Variants in RPL18A observed in about 807,000 individuals in gnomAD.
The protein encoded by RPL18A is ribosomal protein L18a.
For synonymous variants in RPL18A, 122 were observed against 96.9 expected, an observed-to-expected ratio of 1.26 and a Z score of -1.52; for missense variants, 163 against 254.1, an observed-to-expected ratio of 0.64 and a Z score of 2.44.
intron 1 of RPL18A, chr19:17,860,711 G>C (rs1394297287): frequency 6.5e-6 from 1 of 153,958 alleles, no homozygotes; most frequent in African/African-American, 2.4e-5. Flanking sequence ...CTTGACCAAA[G>C]ATTCTCACCT....
chr19:17,863,075 C>A, intron 4 of RPL18A, 48 bp downstream of exon 4: 1 of 1,559,022 alleles, frequency 6.4e-7, no homozygotes, highest in South Asian at 1.1e-5. Context: ...TGCTCTGACG[C>A]AGGAGCCCAG....
rs754983872 is a variant in RPL18A at position 17,859,910 on chromosome 19, A to G, written c.-47A>G. On this transcript the variant is annotated 5_prime_UTR_variant, in exon 1 of 5. Coordinates refer to ENST00000222247, the MANE Select transcript of RPL18A (RefSeq NM_000980.4). Reference sequence around the variant, plus strand: ...AAGGCCTGGTGAACGGCTGCGCGACAGAGGACACTTCCTTTTGCGGGTGGC... The same window carrying G: ...AAGGCCTGGTGAACGGCTGCGCGACGGAGGACACTTCCTTTTGCGGGTGGC... 9.1e-6 allele frequency: 14 copies of G among 1,541,084 alleles called. No individual in the cohort carries two copies. Among genetic ancestry groups the G allele is most frequent in the Non-Finnish European group, 1.2e-5 (14 of 1,143,506 alleles).
chr19:17,861,167 G>A, intron 1 of RPL18A, 126 bp from the exon 2 acceptor site: 1 of 739,474 alleles, frequency 1.4e-6, no homozygotes, highest in African/African-American at 1.7e-5. Flanking sequence ...TCCACATGGA[G>A]GCCCTAGGGT....
At chr19:17,860,874 G>T in intron 1 of RPL18A, 1 of 197,970 alleles carries the variant, frequency 5.1e-6, no homozygotes, top group South Asian at 7.4e-5. Context: ...GGAATGGGCT[G>T]TGAGATCCCA....
rs944802401 is a variant in RPL18A at position 17,861,980 on chromosome 19, A to G, written c.199-114A>G. ...GAAACTGAGGCACAAGAGTCTGGCC[A>G]TAGAGTAGGCCTGGAGCCTGGGGTG... On this transcript the variant is annotated intron_variant, in intron 2 of 4. Coordinates refer to ENST00000222247, the MANE Select transcript of RPL18A (RefSeq NM_000980.4). 6 of 1,256,018 alleles carry G rather than the reference A, an allele frequency of 4.8e-6. No individual in the cohort carries two copies. In the Admixed American group the frequency reaches 7.5e-5, roughly 16 times the overall value. The allele number at this position is 1,256,018 out of a possible 1,614,324, so 77.8% of individuals were successfully genotyped here.
intron 1 of RPL18A, chr19:17,861,006 G>A: frequency 2.2e-6 from 1 of 452,072 alleles, no homozygotes; most frequent in Non-Finnish European, 4.0e-6. Context: ...GGAGGCTGTG[G>A]GTCTAAGCCA....
In RPL18A at chr19:17,863,277, G is replaced by C; in HGVS notation, c.*14G>C. The C allele has an allele frequency of 1.3e-6, 2 of 1,491,938 alleles. No individual in the cohort carries two copies. The highest frequency in any genetic ancestry group is 1.1e-5 in the South Asian group (1 of 87,300). The allele number at this position is 1,491,938 out of a possible 1,614,324, so 92.4% of individuals were successfully genotyped here. ...ACCTTCTTCTAGGTGCAGGGCCCTC[G>C]TCCGGGTGTGCCCCAAATAAACTCA... On this transcript the variant is annotated 3_prime_UTR_variant, in exon 5 of 5. Coordinates refer to ENST00000222247, the MANE Select transcript of RPL18A (RefSeq NM_000980.4).
chr19:17,861,379 T>C lies in RPL18A; in HGVS notation c.105T>C (p.Pro35=). The change falls in exon 2 of 5, where the codon CCT becomes CCC. Residue 35 remains proline, a synonymous_variant. Coordinates refer to ENST00000222247, the MANE Select transcript of RPL18A (RefSeq NM_000980.4). ...TCTACCGCATGCGAATCTTTGCGCC[T>C]AATCATGTCGTCGCCAAGTCCCGCT... is the stretch of plus-strand genomic sequence containing the variant. ...PPLYRMRIFA[P]NHVVAKSRFW... 2 of 1,612,364 alleles carry C rather than the reference T, an allele frequency of 1.2e-6. No homozygotes were observed. Among genetic ancestry groups the C allele is most frequent in the Non-Finnish European group, 1.7e-6 (2 of 1,178,890 alleles).
chr19:17,862,761 C>T (rs910543454), intron 3 of RPL18A, 157 bp from the exon 4 acceptor site: 2 of 759,894 alleles, frequency 2.6e-6, no homozygotes, highest in Non-Finnish European at 4.8e-6. Flanking sequence ...CTTGGGCTAT[C>T]TCGCTTCCCC....
intron 1 of RPL18A, 30 bp from the exon 2 acceptor site, chr19:17,861,263 G>T: frequency 6.2e-7 from 1 of 1,609,098 alleles, no homozygotes; most frequent in Non-Finnish European, 8.5e-7. Flanking sequence ...TCTGGGTGCT[G>T]GCCTTACCCT....
chr19:17,862,581 C>T (rs1260688099), intron 3 of RPL18A: 1 of 702,702 alleles, frequency 1.4e-6, no homozygotes, highest in Non-Finnish European at 2.6e-6. Flanking sequence ...ACCCCCACAC[C>T]TCCCTGATTG....
intron 4 of RPL18A, 54 bp downstream of exon 4, chr19:17,863,081 C>T: frequency 6.4e-7 from 1 of 1,552,936 alleles, no homozygotes; most frequent in Non-Finnish European, 8.9e-7. Flanking sequence ...GACGCAGGAG[C>T]CCAGTGGGGG....
chr19:17,861,153 A>G, intron 1 of RPL18A, 140 bp from the exon 2 acceptor site: 1 of 683,084 alleles, frequency 1.5e-6, no homozygotes, highest in South Asian at 1.8e-5. Flanking sequence ...ACAGTCACCA[A>G]GAATCCACAT....
chr19:17,860,983 C>T, intron 1 of RPL18A: 3 of 390,336 alleles, frequency 7.7e-6, no homozygotes, highest in Admixed American at 4.2e-5. Flanking sequence ...TTCAGGACTG[C>T]AGCATGAAGA....
rs780741673 is a variant in RPL18A, at chr19:17,861,360, G to T, written c.86G>T (p.Arg29Leu). The change falls in exon 2 of 5, where the codon CGC becomes CTC. Residue 29 changes from arginine (R) to leucine (L), a missense_variant. Coordinates refer to ENST00000222247, the MANE Select transcript of RPL18A (RefSeq NM_000980.4). ...TPKCHTPPLY[R>L]MRIFAPNHVV... ...AAATGCCACACGCCGCCCCTCTACC[G>T]CATGCGAATCTTTGCGCCTAATCAT... 6.2e-6 allele frequency: 10 copies of T among 1,612,708 alleles called. No individual in the cohort carries two copies. Among genetic ancestry groups the T allele is most frequent in the Non-Finnish European group, 8.5e-6 (10 of 1,179,214 alleles).
intron 3 of RPL18A, chr19:17,862,550 T>C (rs991685248): frequency 1.4e-6 from 1 of 700,496 alleles, no homozygotes; most frequent in Non-Finnish European, 2.6e-6. Flanking sequence ...TTTCCCTGGC[T>C]CACCTGCCAG....
chr19:17,862,237 C>G lies in RPL18A; in HGVS notation c.328+14C>G, dbSNP rs1406685569. The G allele has an allele frequency of 6.2e-7, 1 of 1,612,284 alleles. No individual in the cohort carries two copies. The highest frequency in any genetic ancestry group is 8.5e-7 in the Non-Finnish European group (1 of 1,179,778). On this transcript the variant is annotated intron_variant, in intron 3 of 4. Coordinates refer to ENST00000222247, the MANE Select transcript of RPL18A (RefSeq NM_000980.4). ...TCACCCAGTGCTGTAAGCTGCCTGT[C>G]CCGCCTCCAGCTTTTTAGACCCTCC...
intron 1 of RPL18A, 69 bp from the exon 2 acceptor site, chr19:17,861,224 A>G (rs939693357): frequency 4.9e-6 from 7 of 1,429,040 alleles, no homozygotes; most frequent in Admixed American, 1.8e-5. Flanking sequence ...GATGTAGGAA[A>G]GGGAGTGAGG....
intron 3 of RPL18A, chr19:17,862,589 T>A (rs769385905): frequency 1.4e-6 from 1 of 700,180 alleles, no homozygotes; most frequent in Admixed American, 1.8e-5. Context: ...ACCTCCCTGA[T>A]TGCACCTAAA....
Sources: gnomAD v4.1 joint callset for allele counts on GRCh38, gnomAD v4.1.1 for gene constraint, MANE v1.5 for transcripts, NCBI Gene and HGNC (gene_info 2026-07-23, HGNC 2026-07-21) for gene names.